Variants in PASK observed in about 807,000 individuals in gnomAD.
The protein encoded by PASK is PAS domain-containing serine/threonine-protein kinase.
A neutral mutation model predicts 121.0 loss-of-function variants in PASK; 110 were observed. The ratio of observed to expected loss-of-function variants is 0.91; its 90% confidence interval spans 0.78 to 1.06. PASK has a LOEUF of 1.06. Among genes scored for constraint, PASK ranks in the 50% least tolerant of loss-of-function variants. The pLI is 0.00. For synonymous variants in PASK, 686 were observed against 717.8 expected, an observed-to-expected ratio of 0.96 and a Z score of 0.71; for missense variants, 1,643 against 1,702.3, an observed-to-expected ratio of 0.97 and a Z score of 0.61.
chr2:241,122,183 A>C (rs920162919), intron 12 of PASK, among the ~76,000 whole-genome samples: 5 of 152,204 alleles, frequency 3.3e-5, no homozygotes, highest in African/African-American at 1.2e-4. Context: ...AAATGATCTA[A>C]GATACCACCT....
chr2:241,135,948 T>G lies in PASK; in HGVS notation c.1229A>C (p.Asp410Ala), dbSNP rs773763642. 1.2e-6 allele frequency: 2 copies of G among 1,614,126 alleles called. No homozygotes were observed. The highest frequency in any genetic ancestry group is 2.2e-5 in the South Asian group (2 of 91,072). Residue 410 changes from aspartate (D) to alanine (A), a missense_variant, in exon 8 of 18, where the codon GAC becomes GCC. By Grantham distance (126) the Asp-to-Ala change is moderately radical (BLOSUM62 -2). This residue lies in a region of PASK where 1,176 missense variants were observed against 1,162.2 expected (regional missense o/e 1.01). Coordinates refer to ENST00000234040, the MANE Select transcript of PASK (RefSeq NM_015148.4). ...LQLPDLASCLDVGNESGCGER... is the reference protein window; with the variant it reads ...LQLPDLASCLAVGNESGCGER... ...CCCACACCCACTCTCATTGCCGACGTCCAGGCAGCTGGCCAGGTCTGGGAG... is the reference window on the plus strand; with the variant it reads ...CCCACACCCACTCTCATTGCCGACGGCCAGGCAGCTGGCCAGGTCTGGGAG...
chr2:241,149,561 G>C (rs531968230), upstream of PASK: 14 of 1,251,118 alleles, frequency 1.1e-5, no homozygotes, highest in African/African-American at 2.1e-4. Flanking sequence ...GCGGGACTAA[G>C]CTAGCCAGAG....
chr2:241,149,643 AAT>A (rs2067188429), upstream of PASK: 1 of 1,540,512 alleles, frequency 6.5e-7, no homozygotes, highest in African/African-American at 1.4e-5. Context: ...GAGCCAAAGG[AAT>A]AATGGGCGCC....
chr2:241,149,938 A>G (rs568939281), upstream of PASK: 8 of 1,428,796 alleles, frequency 5.6e-6, no homozygotes, highest in Non-Finnish European at 6.4e-6. Context: ...CCGAGCGTCA[A>G]GAGAAGGCGG....
intron 10 of PASK, among the ~76,000 whole-genome samples, chr2:241,125,745 C>G (rs962100580): frequency 6.6e-6 from 1 of 152,132 alleles, no homozygotes; most frequent in Non-Finnish European, 1.5e-5. Context: ...GCCTAAACAC[C>G]AAAAGCACGG....
chr2:241,150,307 C>A, upstream of PASK: 1 of 1,336,518 alleles, frequency 7.5e-7, no homozygotes. Context: ...ATTACCTGCT[C>A]TGGGGGAGGC....
At chr2:241,150,333 A>G (rs1220219382), upstream of PASK, 3 of 1,310,676 alleles carry the variant, frequency 2.3e-6, no homozygotes, top group South Asian at 2.3e-5. Flanking sequence ...GCGCGGCCTC[A>G]TGACGGAACT....
chr2:241,108,089 G>A lies in PASK; in HGVS notation c.3667+78C>T. The A allele has an allele frequency of 7.5e-7, 1 of 1,336,120 alleles. No homozygotes were observed. The highest frequency in any genetic ancestry group is 1.1e-6 in the Non-Finnish European group (1 of 927,698). 82.8% of individuals were successfully genotyped at this position (1,336,120 alleles called of 1,614,324 possible). A position where few individuals can be genotyped will look rare whatever the true frequency, so the allele number is the denominator to read the frequency against. On this transcript the variant is annotated intron_variant, in intron 16 of 17. Coordinates refer to ENST00000234040, the MANE Select transcript of PASK (RefSeq NM_015148.4). This position sits in a 1 kb window ranked among gnomAD's most constrained non-coding sequence, Gnocchi z 5.2. ...TTGATATGGACAGAGATACACTGAGGAATGAGGAAATGGGAAAAAAAAGTG... is the reference window on the plus strand; with the variant it reads ...TTGATATGGACAGAGATACACTGAGAAATGAGGAAATGGGAAAAAAAAGTG...
chr2:241,147,563 G>A (rs2067010630), intron 1 of PASK, among the ~76,000 whole-genome samples: 1 of 152,212 alleles, frequency 6.6e-6, no homozygotes, highest in South Asian at 2.1e-4. Flanking sequence ...GGAGGCTGCA[G>A]TGAGAGGACA....
chr2:241,142,782 A>G, intron 2 of PASK, 55 bp downstream of exon 2: 1 of 1,288,944 alleles, frequency 7.8e-7, no homozygotes, highest in South Asian at 1.2e-5. Flanking sequence ...AACACAGAGC[A>G]ACTCCACATT....
At chr2:241,142,054 A>G (rs2066725369) in intron 2 of PASK, among the ~76,000 whole-genome samples, 1 of 152,082 alleles carries the variant, frequency 6.6e-6, no homozygotes, top group Admixed American at 6.5e-5. Context: ...CCCACTCCCA[A>G]GGGCGCTGTG....
chr2:241,128,049 G>A (rs891928207), intron 9 of PASK, among the ~76,000 whole-genome samples: 1 of 152,166 alleles, frequency 6.6e-6, no homozygotes, highest in East Asian at 1.9e-4. Context: ...GGAGGCCGAG[G>A]TGGGCAGATC....
Position 241,137,159 on chromosome 2 carries a change from C to G in PASK, c.982G>C (p.Glu328Gln). The change falls in exon 7 of 18, where the codon GAG (glutamate) becomes CAG (glutamine). Residue 328 changes from glutamate (E) to glutamine (Q), a missense_variant. Glu to Gln is a conservative substitution (Grantham distance 29). Transcript: ENST00000234040. ...CGGTAGCCGCTCACAGGGGCCGCCTCACCGGTGGTCGCCTCCTCGCTGCTG... is the reference window on the plus strand; with the variant it reads ...CGGTAGCCGCTCACAGGGGCCGCCTGACCGGTGGTCGCCTCCTCGCTGCTG... Reference protein sequence around the residue: ...QPSSEEATTGEAAPVSGYRAS... With the variant: ...QPSSEEATTGQAAPVSGYRAS... The G allele has an allele frequency of 6.2e-7, 1 of 1,613,500 alleles. No individual in the cohort carries two copies. The highest frequency in any genetic ancestry group is 8.5e-7 in the Non-Finnish European group (1 of 1,179,666).
chr2:241,132,078 CGAA>C (rs1484853891), intron 9 of PASK, among the ~76,000 whole-genome samples: 1 of 149,256 alleles, frequency 6.7e-6, no homozygotes, highest in Non-Finnish European at 1.5e-5. Flanking sequence ...AAAAAGATTC[CGAA>C]GAAGAAAATG....
intron 9 of PASK, 78 bp downstream of exon 9, chr2:241,132,794 TTC>T: frequency 1.7e-6 from 2 of 1,174,630 alleles, no homozygotes; most frequent in Non-Finnish European, 1.3e-6. Flanking sequence ...GGCTGAACAT[TTC>T]TCTCTGACTT....
rs1559356441 is a variant in PASK at position 241,112,294 on chromosome 2, T to TA, written c.3478dup (p.Tyr1160LeufsTer40). ...GTACTCGATGGTCCCACAAAAAGTA[T>TA]AAAATAATTTTCCCCTTTCCAAGTA... On this transcript the variant is annotated frameshift_variant, in exon 15 of 18. Transcript: ENST00000234040. LOFTEE classifies it high-confidence loss of function. The surrounding 1 kb of genome is among the most constrained non-coding windows in gnomAD (Gnocchi z 5.2). The TA allele has an allele frequency of 6.8e-6, 11 of 1,613,678 alleles. No individual in the cohort carries two copies. Among genetic ancestry groups the TA allele is most frequent in the Non-Finnish European group, 8.5e-6 (10 of 1,179,840 alleles).
In PASK at chr2:241,108,662, C is replaced by A; in HGVS notation, c.3534-362G>T. ...TGCTGAGGGCCACGGGAGCTGCAGGCCACTTCAGAACAGGGTCACGTGCCC... is the reference window on the plus strand; with the variant it reads ...TGCTGAGGGCCACGGGAGCTGCAGGACACTTCAGAACAGGGTCACGTGCCC... On this transcript the variant is annotated intron_variant, in intron 15 of 17. Transcript: ENST00000234040. This position sits in a 1 kb window ranked among gnomAD's most constrained non-coding sequence, Gnocchi z 5.2. 2.6e-6 allele frequency: 1 copy of A among 378,552 alleles called. No individual in the cohort carries two copies. Among genetic ancestry groups the A allele is most frequent in the Non-Finnish European group, 5.1e-6 (1 of 197,634 alleles). The allele number at this position is 378,552 out of a possible 1,614,324, so 23.4% of individuals were successfully genotyped here.
rs146415677 is a variant in PASK at position 241,122,719 on chromosome 2, A to C, written c.3072+13T>G. On this transcript the variant is annotated intron_variant, in intron 12 of 17. Coordinates refer to ENST00000234040, the MANE Select transcript of PASK (RefSeq NM_015148.4). The stretch of plus-strand genomic sequence containing the variant: ...TGGTGCCCGGCGCCACTCCCCCCCC[A>C]CAGCCAGGTTACCTCCTTGTTTTTT... The C allele has an allele frequency of 6.2e-7, 1 of 1,612,962 alleles. No homozygotes were observed. The highest frequency in any genetic ancestry group is 1.3e-5 in the African/African-American group (1 of 74,888).
At position 241,137,970 on chromosome 2, in the gene PASK, CAGA is replaced by C. The variant is rs1367016598; in HGVS notation, c.856_858del (p.Ser286del). 5.6e-6 allele frequency: 9 copies of C among 1,614,234 alleles called. 1 individual carries two copies. The Admixed American group carries it at 1.2e-4, about 21-fold the overall frequency. Reference sequence around the variant, plus strand: ...AGCCCTACCTTTGGGATGTGCTGGCCAGAAGGAGGGAGCTGCACAGAAGGGATC... The same window carrying C: ...AGCCCTACCTTTGGGATGTGCTGGCCAGGAGGGAGCTGCACAGAAGGGATC... On this transcript the variant is annotated inframe_deletion, in exon 6 of 18. Transcript: ENST00000234040.
Sources: allele counts gnomAD v4.1 joint callset (sites outside exome capture counted in the v4.1 genomes callset), GRCh38; gene constraint gnomAD v4.1.1; regional missense constraint gnomAD v4.1.1; non-coding constraint Gnocchi (gnomAD v3.1); transcripts MANE v1.5; gene names NCBI Gene and HGNC (gene_info 2026-07-23, HGNC 2026-07-21).